Variants in ACSM5 observed in about 807,000 individuals in gnomAD.
ACSM5 encodes the protein acyl-coenzyme A synthetase ACSM5, mitochondrial.
Under a neutral mutation model 71.6 loss-of-function variants are expected in ACSM5, and 56 were observed. The ratio of observed to expected loss-of-function variants is 0.78; its 90% CI spans 0.63 to 0.98. The LOEUF (loss-of-function observed/expected upper bound fraction) is 0.98, where lower values mean the gene tolerates loss of function less well. ACSM5 is among the 50% of genes least tolerant of loss of function. The pLI, the probability that ACSM5 is intolerant of heterozygous loss-of-function variation, is 0.00. For missense variants in ACSM5, 723 were observed against 726.0 expected (o/e 1.00, Z 0.05); for synonymous variants, 285 against 281.5 (o/e 1.01, Z -0.12).
At chr16:20,428,380 C>G (rs1024210127) in intron 7 of ACSM5, among the ~76,000 whole-genome samples, 6 of 152,242 alleles carry the variant, frequency 3.9e-5, no homozygotes, top group Admixed American at 1.3e-4. Flanking sequence ...CAACTGTTCT[C>G]TGAGCACATG....
intron 10 of ACSM5, among the ~76,000 whole-genome samples, chr16:20,431,843 T>G (rs1035855975): frequency 2.0e-5 from 3 of 151,754 alleles, no homozygotes; most frequent in African/African-American, 7.3e-5. Flanking sequence ...CCCAGCTACT[T>G]GGGAGGCTGA....
At chr16:20,423,653 T>C (rs544494891) in intron 5 of ACSM5, among the ~76,000 whole-genome samples, 1 of 152,354 alleles carries the variant, frequency 6.6e-6, no homozygotes, top group East Asian at 1.9e-4. Context: ...AGTATTGAGG[T>C]TAATTTTTTC....
chr16:20,435,592 A>G (rs1475962858), intron 10 of ACSM5, among the ~76,000 whole-genome samples: 2 of 152,096 alleles, frequency 1.3e-5, no homozygotes, highest in East Asian at 1.9e-4. Context: ...AATAGGGAAC[A>G]TTTTTCACTC....
At chr16:20,438,528 G>A (rs1204047899) in intron 12 of ACSM5, among the ~76,000 whole-genome samples, 2 of 151,826 alleles carry the variant, frequency 1.3e-5, no homozygotes, top group Non-Finnish European at 2.9e-5. Context: ...TCCCATTGAT[G>A]TGCTGAAGAA....
intron 5 of ACSM5, among the ~76,000 whole-genome samples, chr16:20,423,042 A>G (rs1966908326): frequency 6.6e-6 from 1 of 152,236 alleles, no homozygotes; most frequent in Admixed American, 6.5e-5. Context: ...ATTTGGATAC[A>G]CATGTCTGAA....
intron 10 of ACSM5, among the ~76,000 whole-genome samples, chr16:20,433,606 A>T (rs1340450764): frequency 2.0e-5 from 3 of 152,300 alleles, no homozygotes; most frequent in Admixed American, 6.5e-5. Context: ...AAAAAATTTT[A>T]AAAAAAGAAT....
At chr16:20,424,152 A>G in intron 6 of ACSM5, 83 bp downstream of exon 6, 1 of 1,522,746 alleles carries the variant, frequency 6.6e-7, no homozygotes, top group Non-Finnish European at 8.9e-7. Context: ...TGCAGGAGAA[A>G]ACACATAAAT....
In ACSM5 at chr16:20,431,297, C is replaced by G; in HGVS notation, c.1284C>G (p.Pro428=). The G allele has an allele frequency of 6.2e-7, 1 of 1,614,168 alleles. No homozygotes were observed. The highest frequency in any genetic ancestry group is 1.1e-5 in the South Asian group (1 of 91,082). ...NVAVRIRPTR[P]FCFFNCYLDN... Reference sequence around the variant, plus strand: ...CCGTCCGTATCAGACCCACTCGGCCCTTCTGTTTCTTCAATTGCTATTTGG... The same window carrying G: ...CCGTCCGTATCAGACCCACTCGGCCGTTCTGTTTCTTCAATTGCTATTTGG... Residue 428 remains proline (P), a synonymous_variant, in exon 10 of 14, where the codon CCC becomes CCG. Transcript: ENST00000331849.
intron 2 of ACSM5, among the ~76,000 whole-genome samples, chr16:20,416,876 T>A (rs545308623): frequency 5.3e-5 from 8 of 151,986 alleles, no homozygotes; most frequent in Non-Finnish European, 1.2e-4. Context: ...CCAATTAAAG[T>A]ATGGGCTAAG....
At chr16:20,430,491 T>C (rs1967071705) in intron 8 of ACSM5, among the ~76,000 whole-genome samples, 1 of 151,640 alleles carries the variant, frequency 6.6e-6, no homozygotes, top group Admixed American at 6.6e-5. Flanking sequence ...CCCATAATTG[T>C]TTGTTAACTA....
In ACSM5 at chr16:20,440,342, A is replaced by C; in HGVS notation, c.1657-2A>C. On this transcript the variant is annotated splice_acceptor_variant, in intron 13 of 13. Transcript: ENST00000331849. LOFTEE classifies it high-confidence loss of function. ...GTTTTTTGTTTTGTGTTTGGTCACTAGGTGGCCTTTGTTTCAGAACTGCCA... is the reference window on the plus strand; with the variant it reads ...GTTTTTTGTTTTGTGTTTGGTCACTCGGTGGCCTTTGTTTCAGAACTGCCA... 1 of 1,543,654 alleles carries C rather than the reference A, an allele frequency of 6.5e-7. No individual in the cohort carries two copies. Among genetic ancestry groups the C allele is most frequent in the Non-Finnish European group, 9.0e-7 (1 of 1,115,124 alleles).
Position 20,427,875 on chromosome 16 carries a change from C to T in ACSM5, c.1001+8C>T. ...GCAGGAGGATCTGACCAGGTACAGC[C>T]CGTCTATTTCGTGCTTTGAGGGCCT... On this transcript the variant is annotated splice_region_variant and intron_variant, in intron 7 of 13. Transcript: ENST00000331849. 2.5e-6 allele frequency: 4 copies of T among 1,608,342 alleles called. No homozygotes were observed. The highest frequency in any genetic ancestry group is 3.4e-6 in the Non-Finnish European group (4 of 1,175,108).
intron 6 of ACSM5, among the ~76,000 whole-genome samples, chr16:20,426,681 A>G (rs574844367): frequency 1.9e-4 from 29 of 152,368 alleles, no homozygotes; most frequent in South Asian, 8.3e-4. Context: ...GTATGATTCC[A>G]CTTACATGAG....
intron 8 of ACSM5, among the ~76,000 whole-genome samples, chr16:20,430,084 C>A (rs117912581): frequency 1.3e-5 from 2 of 151,964 alleles, no homozygotes; most frequent in Non-Finnish European, 1.5e-5. Context: ...AAAAAAACTA[C>A]GTATTGGGTA....
intron 5 of ACSM5, 36 bp downstream of exon 5, chr16:20,421,437 G>C (rs766378132): frequency 6.5e-7 from 1 of 1,528,728 alleles, no homozygotes; most frequent in African/African-American, 1.4e-5. Flanking sequence ...TCCAAGAACA[G>C]AAAGTGGGGA....
intron 7 of ACSM5, among the ~76,000 whole-genome samples, chr16:20,429,151 C>G (rs1967045788): frequency 1.3e-5 from 2 of 152,098 alleles, no homozygotes; most frequent in African/African-American, 4.8e-5. Flanking sequence ...GCTGGGACTA[C>G]AGGCATGTGC....
intron 5 of ACSM5, among the ~76,000 whole-genome samples, chr16:20,422,137 A>G (rs1334428143): frequency 3.3e-5 from 5 of 151,748 alleles, no homozygotes; most frequent in African/African-American, 7.3e-5. Flanking sequence ...TTTGAGACAG[A>G]GTTTTGCTCT....
chr16:20,439,538 T>C (rs1473857739), intron 12 of ACSM5, among the ~76,000 whole-genome samples: 1 of 151,238 alleles, frequency 6.6e-6, no homozygotes, highest in Non-Finnish European at 1.5e-5. Context: ...TCAAATGGTG[T>C]CATTCCAAGT....
intron 2 of ACSM5, among the ~76,000 whole-genome samples, chr16:20,416,644 G>A (rs557003668): frequency 1.3e-5 from 2 of 152,180 alleles, no homozygotes; most frequent in East Asian, 3.9e-4. Context: ...GAAAACATAG[G>A]AGTATATTTT....
Sources: gnomAD v4.1 joint callset for allele counts (sites outside exome capture counted in the v4.1 genomes callset) on GRCh38, gnomAD v4.1.1 for gene constraint, MANE v1.5 for transcripts, NCBI Gene and HGNC (gene_info 2026-07-23, HGNC 2026-07-21) for gene names.